The following NTRK3 variants were observed in gnomAD, a reference collection of about 807,000 sequenced individuals.
NTRK3 encodes NT-3 growth factor receptor.
In NTRK3, 24 loss-of-function variants were observed where a neutral mutation model predicts 91.7. The observed-to-expected ratio is 0.26, with a 90% CI of 0.19 to 0.37. The LOEUF is 0.37. Among genes scored for constraint, NTRK3 ranks in the 10% least tolerant of loss-of-function variants. NTRK3 has a pLI of 1.00. For missense variants in NTRK3, 880 were observed against 1,068.9 expected (o/e 0.82, Z 2.46); for synonymous variants, 483 against 404.0 (o/e 1.20, Z -2.34).
At chr15:88,231,992 C>G (rs1308538477) in intron 3 of NTRK3, among the ~76,000 whole-genome samples, 1 of 152,192 alleles carries the variant, frequency 6.6e-6, no homozygotes, top group African/African-American at 2.4e-5. Context: ...CAGTCACTAA[C>G]CGGATAAGGT....
chr15:88,102,594 C>T (rs778335111), intron 13 of NTRK3, among the ~76,000 whole-genome samples: 2 of 152,078 alleles, frequency 1.3e-5, no homozygotes, highest in African/African-American at 2.4e-5. Context: ...ATATTACGTG[C>T]TTGTATCAAA....
At chr15:88,145,977 A>G (rs2042855878) in intron 6 of NTRK3, among the ~76,000 whole-genome samples, 1 of 152,228 alleles carries the variant, frequency 6.6e-6, no homozygotes, top group East Asian at 1.9e-4. Flanking sequence ...GAGTGACCTT[A>G]AACAGTATAC....
intron 13 of NTRK3, among the ~76,000 whole-genome samples, chr15:88,082,477 C>T (rs953201004): frequency 1.4e-4 from 21 of 152,140 alleles, no homozygotes; most frequent in African/African-American, 2.4e-5. Flanking sequence ...AAATGCAGAA[C>T]GTTTCCAGTG....
intron 13 of NTRK3, among the ~76,000 whole-genome samples, chr15:88,075,813 T>A (rs1393970481): frequency 6.6e-6 from 1 of 152,050 alleles, no homozygotes; most frequent in Non-Finnish European, 1.5e-5. Flanking sequence ...CACATGAGAG[T>A]CCCAATTCTA....
At chr15:88,236,442 T>C (rs2051747488) in intron 3 of NTRK3, among the ~76,000 whole-genome samples, 1 of 139,104 alleles carries the variant, frequency 7.2e-6, no homozygotes, top group South Asian at 2.2e-4. Flanking sequence ...GGAGACTGAG[T>C]CAGGAGGATC....
At chr15:88,033,591 G>GT (rs1482720139) in intron 13 of NTRK3, among the ~76,000 whole-genome samples, 1 of 152,016 alleles carries the variant, frequency 6.6e-6, no homozygotes, top group Admixed American at 6.6e-5. Flanking sequence ...GATTACAGGT[G>GT]TGAGTCATCA....
intron 5 of NTRK3, among the ~76,000 whole-genome samples, chr15:88,149,370 C>T (rs1359589264): frequency 1.3e-5 from 2 of 152,164 alleles, no homozygotes; most frequent in Admixed American, 6.5e-5. Flanking sequence ...CCCAAGTTTA[C>T]TGTTCTGCTG....
At chr15:88,088,163 C>T (rs540524817) in intron 13 of NTRK3, among the ~76,000 whole-genome samples, 1 of 152,260 alleles carries the variant, frequency 6.6e-6, no homozygotes. Flanking sequence ...AGTCATGAAA[C>T]CTTCTGGGCC....
At chr15:88,126,881 G>A (rs536350404) in intron 12 of NTRK3, among the ~76,000 whole-genome samples, 85 of 152,122 alleles carry the variant, frequency 5.6e-4, no homozygotes, top group Non-Finnish European at 1.1e-3. Flanking sequence ...TAGGAAACTT[G>A]TACAGTTAGC....
At chr15:87,958,527 C>T (rs188027622) in intron 14 of NTRK3, among the ~76,000 whole-genome samples, 341 of 152,046 alleles carry the variant, frequency 2.2e-3, no homozygotes, top group African/African-American at 7.8e-3. Context: ...TTCCCCAGGG[C>T]GTCCCTATGT....
rs2050827179 is a variant in NTRK3, at chr15:88,107,336, A to G, written c.1396+18935T>C. Among the ~76,000 whole-genome samples the G allele has an allele frequency of 2.0e-5, 3 of 152,164 alleles. No individual in the cohort carries two copies. In the South Asian group the frequency reaches 6.2e-4, roughly 32 times the overall value. On this transcript the variant is annotated intron_variant, in intron 13 of 18. Coordinates refer to ENST00000394480, the Ensembl canonical transcript of NTRK3. ...CATGTGCCTGTAGTCCCAGCTACTC[A>G]GGAGACTAAAGTGAGAGGATCACTT...
At chr15:88,133,991 C>A (rs1174130853) in intron 10 of NTRK3, among the ~76,000 whole-genome samples, 2 of 152,226 alleles carry the variant, frequency 1.3e-5, no homozygotes, top group African/African-American at 4.8e-5. Context: ...AGCTGCCACA[C>A]CCTGGTAATT....
At chr15:88,247,635 C>T (rs1344751899) in intron 3 of NTRK3, among the ~76,000 whole-genome samples, 1 of 152,136 alleles carries the variant, frequency 6.6e-6, no homozygotes, top group Non-Finnish European at 1.5e-5. Flanking sequence ...CTGGAGAGTT[C>T]CATGACCTCA....
In NTRK3 at chr15:88,191,036, G is replaced by A. The variant is rs561775979; in HGVS notation, c.249-6737C>T. ...TTGCTCCCCCTTTTGGATAACTGAA[G>A]TTGCCAGTTAAGTGAAGCTTTCCTG... On this transcript the variant is annotated intron_variant, in intron 3 of 18. Transcript: ENST00000394480. 2.6e-5 allele frequency among the ~76,000 whole-genome samples: 4 copies of A among 152,274 alleles called. No individual in the cohort carries two copies. The South Asian group carries it at 8.3e-4, about 32-fold the overall frequency.
At chr15:88,222,942 T>C (rs1032500009) in intron 3 of NTRK3, among the ~76,000 whole-genome samples, 1 of 152,188 alleles carries the variant, frequency 6.6e-6, no homozygotes, top group African/African-American at 2.4e-5. Flanking sequence ...AGGATTCTTT[T>C]GGGGTTCTGG....
intron 14 of NTRK3, among the ~76,000 whole-genome samples, chr15:87,970,810 A>G (rs1282458049): frequency 1.3e-5 from 2 of 152,194 alleles, no homozygotes; most frequent in Admixed American, 6.5e-5. Flanking sequence ...TAACTGGAGG[A>G]AGAGAAAAAG....
intron 14 of NTRK3, 130 bp from the exon 15 acceptor site, chr15:87,940,883 G>T: frequency 1.7e-6 from 2 of 1,203,082 alleles, no homozygotes; most frequent in Non-Finnish European, 2.4e-6. Flanking sequence ...GCAAACTCTA[G>T]CACACCAGCT....
At chr15:88,048,708 A>C (rs2080491276) in intron 13 of NTRK3, among the ~76,000 whole-genome samples, 1 of 152,206 alleles carries the variant, frequency 6.6e-6, no homozygotes, top group Admixed American at 6.5e-5. Context: ...TATGTATTTA[A>C]ATTTAACTCC....
intron 17 of NTRK3, chr15:87,927,696 A>G (rs974385081): frequency 2.0e-5 from 3 of 152,194 alleles, no homozygotes; most frequent in Non-Finnish European, 4.4e-5. Flanking sequence ...CCCTTCTGCC[A>G]TATGGAGAAG....
Sources: gnomAD v4.1 joint callset for allele counts (sites outside exome capture counted in the v4.1 genomes callset) on GRCh38, gnomAD v4.1.1 for gene constraint, MANE v1.5 for transcripts, NCBI Gene and HGNC (gene_info 2026-07-23, HGNC 2026-07-21) for gene names.